MIS18BP1: variants seen among roughly 807,000 people sequenced by gnomAD.
The protein encoded by MIS18BP1 is MIS18 binding protein 1.
Under a neutral mutation model 116.1 loss-of-function variants are expected in MIS18BP1, and 72 were observed. The ratio of observed to expected loss-of-function variants is 0.62; its 90% CI spans 0.51 to 0.75. The LOEUF (loss-of-function observed/expected upper bound fraction) is 0.75. Ranked by LOEUF, MIS18BP1 falls within the 30% of genes least tolerant of loss-of-function variation. The pLI, the probability that MIS18BP1 is intolerant of heterozygous loss-of-function variation, is 0.00. For synonymous variants in MIS18BP1, 386 were observed against 427.0 expected (o/e 0.90, Z 1.18); for missense variants, 1,363 against 1,303.2 (o/e 1.05, Z -0.71).
intron 7 of MIS18BP1, among the ~76,000 whole-genome samples, chr14:45,231,711 T>C (rs187460625): frequency 6.6e-6 from 1 of 152,344 alleles, no homozygotes; most frequent in Admixed American, 6.5e-5. Context: ...ATAGGGGCAA[T>C]ATGCCTGCAA....
At chr14:45,235,006 T>C (rs1891383758) in intron 6 of MIS18BP1, among the ~76,000 whole-genome samples, 1 of 152,174 alleles carries the variant, frequency 6.6e-6, no homozygotes, top group African/African-American at 2.4e-5. Flanking sequence ...TCACATGAGG[T>C]CACAAGTTCA....
chr14:45,246,775 T>G lies in MIS18BP1; in HGVS notation c.512A>C (p.Lys171Thr). 1 of 1,576,854 alleles carries G rather than the reference T, an allele frequency of 6.3e-7. No individual in the cohort carries two copies. The highest frequency in any genetic ancestry group is 8.6e-7 in the Non-Finnish European group (1 of 1,168,980). Residue 171 changes from lysine (K) to threonine (T), a missense_variant, in exon 2 of 17, where the codon AAA (lysine) becomes ACA (threonine). Coordinates refer to ENST00000310806, the MANE Select transcript of MIS18BP1 (RefSeq NM_018353.5). ...TGAACTGTCATCTGACTGGAATGAT[T>G]TGTTGTTTTCCTTTTCTTCACATAG... ...TYLCEEKENN[K>T]SFQSDDSSLR...
At chr14:45,228,085 C>G (rs543611364) in intron 8 of MIS18BP1, among the ~76,000 whole-genome samples, 65 of 152,110 alleles carry the variant, frequency 4.3e-4, no homozygotes, top group Non-Finnish European at 7.4e-4. Flanking sequence ...ATCACTTGAG[C>G]CAGGGAGGTC....
In MIS18BP1 at chr14:45,217,187, G is replaced by T; in HGVS notation, c.2843-8C>A. On this transcript the variant is annotated splice_polypyrimidine_tract_variant and splice_region_variant and intron_variant, in intron 12 of 16. Transcript: ENST00000310806. ...CAGCATCACCTCTCTTGCCTTAAGA[G>T]TCAGCAAACCATTTTGATAAGGATT... The T allele has an allele frequency of 6.2e-7, 1 of 1,611,944 alleles. No homozygotes were observed. Among genetic ancestry groups the T allele is most frequent in the Non-Finnish European group, 8.5e-7 (1 of 1,179,266 alleles).
intron 13 of MIS18BP1, among the ~76,000 whole-genome samples, chr14:45,214,670 G>C (rs902929665): frequency 4.6e-5 from 7 of 152,228 alleles, no homozygotes; most frequent in Admixed American, 2.6e-4. Context: ...CACAGGTGTG[G>C]AGGGGCAGGC....
At chr14:45,246,085 G>C (rs1036335222) in intron 2 of MIS18BP1, among the ~76,000 whole-genome samples, 1 of 152,124 alleles carries the variant, frequency 6.6e-6, no homozygotes, top group Non-Finnish European at 1.5e-5. Flanking sequence ...CAGCCAGAGT[G>C]ACATTTTAAA....
rs1443182976 is a variant in MIS18BP1, at chr14:45,204,109, C to G, written c.3399G>C (p.Ter1133TyrextTer1). The stretch of plus-strand genomic sequence containing the variant: ...CCAGGAATCATATTTTCTCATTTTA[C>G]TATGCAGAATCAGAGTTCGAAAAAT... ...DYYFSNSDSA[*>Y] is the part of the protein sequence containing the mutation. The change falls in exon 17 of 17, where the codon TAG (stop) becomes TAC (tyrosine). Residue 1133 changes from the stop codon to tyrosine, a stop_lost. Transcript: ENST00000310806. 1 of 1,607,548 alleles carries G rather than the reference C, an allele frequency of 6.2e-7. No individual in the cohort carries two copies. Among genetic ancestry groups the G allele is most frequent in the Non-Finnish European group, 8.5e-7 (1 of 1,177,902 alleles).
intron 6 of MIS18BP1, among the ~76,000 whole-genome samples, chr14:45,233,926 T>C: frequency 6.6e-6 from 1 of 152,060 alleles, no homozygotes; most frequent in East Asian, 1.9e-4. Context: ...CATCATCATA[T>C]AAATTATATT....
rs577001797 is a variant in MIS18BP1 at position 45,247,337 on chromosome 14, C to G, written c.-51G>C. ...TCTTCTAACAGAAAATTCACTTAAGCGCAATTTTCAGATAGAACTTCAGAA... is the reference window on the plus strand; with the variant it reads ...TCTTCTAACAGAAAATTCACTTAAGGGCAATTTTCAGATAGAACTTCAGAA... On this transcript the variant is annotated 5_prime_UTR_variant, in exon 2 of 17. Transcript: ENST00000310806. The G allele has an allele frequency of 4.8e-6, 7 of 1,461,720 alleles. No homozygotes were observed. Among genetic ancestry groups the G allele is most frequent in the Non-Finnish European group, 6.4e-6 (7 of 1,100,432 alleles). 90.5% of individuals were successfully genotyped at this position (1,461,720 alleles called of 1,614,324 possible). A position where few individuals can be genotyped will look rare whatever the true frequency, so the allele number is the denominator to read the frequency against.
At position 45,204,306 on chromosome 14, in the gene MIS18BP1, T is replaced by C. The variant is rs186072067; in HGVS notation, c.3295+93A>G. The C allele has an allele frequency of 1.4e-4, 210 of 1,536,324 alleles. No individual in the cohort carries two copies. In the African/African-American group the frequency reaches 1.8e-3, roughly 13 times the overall value. ...TATAAGGAATAAAATGCTAAGTCTG[T>C]CCACTTGAGAGCAATTAATTTTAAT... On this transcript the variant is annotated intron_variant, in intron 16 of 16. Coordinates refer to ENST00000310806, the MANE Select transcript of MIS18BP1 (RefSeq NM_018353.5).
chr14:45,210,450 C>G lies in MIS18BP1; in HGVS notation c.3082G>C (p.Val1028Leu). ...MDKNPTTPSS[V>L]IFPLVKTPQC... is the part of the protein sequence containing the mutation. ...GGAGTTTTTACCAATGGAAAGATAA[C>G]TGATGATGGAGTTGTTGGATTTTTG... The change falls in exon 14 of 17, where the codon GTT (valine) becomes CTT (leucine). Residue 1028 changes from valine (V) to leucine (L), a missense_variant. Coordinates refer to ENST00000310806, the MANE Select transcript of MIS18BP1 (RefSeq NM_018353.5). 6 of 1,614,012 alleles carry G rather than the reference C, an allele frequency of 3.7e-6. No individual in the cohort carries two copies. In the South Asian group the frequency reaches 6.6e-5, roughly 18 times the overall value.
At chr14:45,227,575 C>T (rs1891157458) in intron 9 of MIS18BP1, 88 bp downstream of exon 9, 9 of 1,021,718 alleles carry the variant, frequency 8.8e-6, no homozygotes, top group Admixed American at 2.6e-5. Context: ...ACAGAACTCA[C>T]GTCCCTGATA....
At chr14:45,228,334 T>G (rs550035126) in intron 8 of MIS18BP1, among the ~76,000 whole-genome samples, 20 of 152,350 alleles carry the variant, frequency 1.3e-4, no homozygotes, top group African/African-American at 4.8e-4. Flanking sequence ...TAGACAGCCA[T>G]ATTATTCACG....
At chr14:45,236,370 A>G (rs1891428844) in intron 5 of MIS18BP1, among the ~76,000 whole-genome samples, 1 of 152,222 alleles carries the variant, frequency 6.6e-6, no homozygotes. Flanking sequence ...CTGGCTATAC[A>G]GCCAAATGTT....
Position 45,218,458 on chromosome 14 carries a change from T to C in MIS18BP1, c.2670-4A>G, listed in dbSNP as rs754346940. 2.5e-6 allele frequency: 4 copies of C among 1,590,686 alleles called. No individual in the cohort carries two copies. Among genetic ancestry groups the C allele is most frequent in the Admixed American group, 3.9e-5 (2 of 51,612 alleles). ...CTTTGGAAGAGATGCAAAAGCACTA[T>C]GGAAGATCAAAACCAATTAAAGAAT... is the stretch of plus-strand genomic sequence containing the variant. On this transcript the variant is annotated splice_polypyrimidine_tract_variant and splice_region_variant and intron_variant, in intron 11 of 16. Coordinates refer to ENST00000310806, the MANE Select transcript of MIS18BP1 (RefSeq NM_018353.5).
At chr14:45,212,402 A>G (rs1458188785) in intron 13 of MIS18BP1, among the ~76,000 whole-genome samples, 1 of 152,158 alleles carries the variant, frequency 6.6e-6, no homozygotes, top group African/African-American at 2.4e-5. Flanking sequence ...AGAAGTGGGA[A>G]TGTTACAGCA....
chr14:45,216,745 T>G (rs1890828715), intron 13 of MIS18BP1, among the ~76,000 whole-genome samples: 1 of 152,234 alleles, frequency 6.6e-6, no homozygotes, highest in South Asian at 2.1e-4. Flanking sequence ...TGCTAGGTAG[T>G]ATATTAAACT....
intron 11 of MIS18BP1, among the ~76,000 whole-genome samples, chr14:45,220,173 A>G (rs370857323): frequency 1.3e-5 from 2 of 151,828 alleles, no homozygotes; most frequent in South Asian, 2.1e-4. Flanking sequence ...TCATAGCTCA[A>G]TGTGGCCTCC....
chr14:45,241,864 A>G, intron 4 of MIS18BP1, 170 bp downstream of exon 4: 1 of 702,600 alleles, frequency 1.4e-6, no homozygotes, highest in African/African-American at 1.8e-5. Context: ...ACTATGTCAC[A>G]CTGTCACTGC....
Sources: gnomAD v4.1 joint callset for allele counts (sites outside exome capture counted in the v4.1 genomes callset) on GRCh38, gnomAD v4.1.1 for gene constraint, MANE v1.5 for transcripts, NCBI Gene and HGNC (gene_info 2026-07-23, HGNC 2026-07-21) for gene names.